ANKFY1: variants seen among roughly 807,000 people sequenced by gnomAD.
ANKFY1 encodes ankyrin repeat and FYVE domain-containing protein 1.
A neutral mutation model predicts 128.3 loss-of-function variants in ANKFY1; 47 were observed. The observed-to-expected ratio is 0.37, with a 90% CI of 0.29 to 0.47. The LOEUF (loss-of-function observed/expected upper bound fraction) is 0.47, where lower values mean the gene tolerates loss of function less well. ANKFY1 is among the 20% of genes least tolerant of loss of function. ANKFY1 has a pLI of 1.00. For missense variants in ANKFY1, 1,222 were observed against 1,510.6 expected, an observed-to-expected ratio of 0.81 and a Z score of 3.17; for synonymous variants, 553 against 601.6, an observed-to-expected ratio of 0.92 and a Z score of 1.18.
rs147726006 is a variant in ANKFY1, at chr17:4,225,823, G to A, written c.323-8705C>T. 2.7e-3 allele frequency among the ~76,000 whole-genome samples: 406 copies of A among 152,160 alleles called. 5 individuals carry two copies. Among genetic ancestry groups the A allele is most frequent in the African/African-American group, 9.1e-3 (379 of 41,514 alleles). On this transcript the variant is annotated intron_variant, in intron 3 of 24. Transcript: ENST00000341657. Reference sequence around the variant, plus strand: ...GTCACCCAAGGTGGACTGCAGTGGCGTGATCTCAGTTCACTGCAACCTCTG... The same window carrying A: ...GTCACCCAAGGTGGACTGCAGTGGCATGATCTCAGTTCACTGCAACCTCTG...
intron 13 of ANKFY1, 35 bp from the exon 14 acceptor site, chr17:4,183,586 C>T: frequency 6.2e-7 from 1 of 1,603,464 alleles, no homozygotes; most frequent in Non-Finnish European, 8.5e-7. Flanking sequence ...CCAGGCTCGG[C>T]TTTTCCCGCT....
chr17:4,219,240 A>G (rs1440445122), intron 3 of ANKFY1, among the ~76,000 whole-genome samples: 2 of 152,234 alleles, frequency 1.3e-5, no homozygotes. Context: ...TATTTCAACC[A>G]GAGTTAACTC....
chr17:4,213,698 C>A (rs991747394), intron 4 of ANKFY1, among the ~76,000 whole-genome samples: 2 of 151,448 alleles, frequency 1.3e-5, no homozygotes, highest in Non-Finnish European at 2.9e-5. Context: ...CTCTGCCTCC[C>A]GTGTAGCTGG....
intron 10 of ANKFY1, among the ~76,000 whole-genome samples, chr17:4,194,078 C>T (rs1207276592): frequency 1.4e-5 from 2 of 140,286 alleles, no homozygotes; most frequent in Non-Finnish European, 3.0e-5. Context: ...TGAGCTACCA[C>T]GCCCGGCCAT....
intron 22 of ANKFY1, among the ~76,000 whole-genome samples, chr17:4,171,431 C>A (rs1159644109): frequency 6.6e-6 from 1 of 152,228 alleles, no homozygotes; most frequent in South Asian, 2.1e-4. Flanking sequence ...GTCGCTCCCT[C>A]TGCTTCCCTA....
chr17:4,181,501 ATTACT>A lies in ANKFY1; in HGVS notation c.2122-134_2122-130del, dbSNP rs1282295697. 1 of 679,604 alleles carries A rather than the reference ATTACT, an allele frequency of 1.5e-6. No homozygotes were observed. The highest frequency in any genetic ancestry group is 2.4e-5 in the Admixed American group (1 of 41,206). The allele number at this position is 679,604 out of a possible 1,614,324, so 42.1% of individuals were successfully genotyped here. On this transcript the variant is annotated intron_variant, in intron 15 of 24. Coordinates refer to ENST00000341657, the MANE Select transcript of ANKFY1 (RefSeq NM_001330063.2). This position sits in a 1 kb window ranked among gnomAD's most constrained non-coding sequence, Gnocchi z 4.9. ...AGATACGGTTGATAATAAATTGATA[ATTACT>A]TTAATCTGTATCACTCATTATTTTA...
intron 3 of ANKFY1, among the ~76,000 whole-genome samples, chr17:4,219,738 A>G (rs1209310713): frequency 2.5e-4 from 38 of 152,334 alleles, no homozygotes; most frequent in Non-Finnish European, 4.4e-5. Context: ...AGAAAAAGAA[A>G]AAGTGAAATA....
chr17:4,249,152 C>T, intron 1 of ANKFY1: 1 of 984,608 alleles, frequency 1.0e-6, no homozygotes, highest in Non-Finnish European at 1.2e-6. Context: ...GAACACTCTT[C>T]CTTCTAGGTC....
chr17:4,210,576 C>T lies in ANKFY1; in HGVS notation c.459-629G>A, dbSNP rs372077410. Among the ~76,000 whole-genome samples the T allele has an allele frequency of 1.1e-4, 16 of 151,934 alleles. No individual in the cohort carries two copies. The South Asian group carries it at 2.7e-3, about 26-fold the overall frequency. On this transcript the variant is annotated intron_variant, in intron 4 of 24. Transcript: ENST00000341657. ...ATACAAAATTAGCCGGCTGTGGTGG[C>T]GCATGCCTGTAATCCAAGCTACTCG... is the stretch of plus-strand genomic sequence containing the variant.
rs140380081 is a variant in ANKFY1 at position 4,176,717 on chromosome 17, A to T, written c.2775+409T>A. Among the ~76,000 whole-genome samples, 12 of 152,370 alleles carry T rather than the reference A, an allele frequency of 7.9e-5. 1 individual carries two copies. The East Asian group carries it at 2.3e-3, about 29-fold the overall frequency. The stretch of plus-strand genomic sequence containing the variant: ...TACTTGCTTAGATAGCCTCGGGGGT[A>T]AAATTCTTTCTCGGCCTACATTTTC... On this transcript the variant is annotated intron_variant, in intron 19 of 24. Coordinates refer to ENST00000341657, the MANE Select transcript of ANKFY1 (RefSeq NM_001330063.2).
At chr17:4,261,211 G>C (rs981625400) in intron 1 of ANKFY1, among the ~76,000 whole-genome samples, 1 of 152,204 alleles carries the variant, frequency 6.6e-6, no homozygotes, top group Admixed American at 6.5e-5. Context: ...GTGGCCGGCC[G>C]GGTGTGGTGG....
intron 9 of ANKFY1, 110 bp from the exon 10 acceptor site, chr17:4,195,287 T>TTA: frequency 6.9e-7 from 1 of 1,440,432 alleles, no homozygotes; most frequent in South Asian, 1.3e-5. Context: ...CATTTTTTTT[T>TTA]AGCTCACTTT....
intron 12 of ANKFY1, 27 bp downstream of exon 12, chr17:4,184,791 G>A: frequency 1.9e-6 from 3 of 1,600,616 alleles, no homozygotes; most frequent in Non-Finnish European, 2.6e-6. Flanking sequence ...CAAGTCAAAA[G>A]GATGGACAGT....
chr17:4,191,019 T>C lies in ANKFY1; in HGVS notation c.1373-1540A>G, dbSNP rs1374351518. Among the ~76,000 whole-genome samples, 3 of 152,250 alleles carry C rather than the reference T, an allele frequency of 2.0e-5. No individual in the cohort carries two copies. The East Asian group carries it at 5.8e-4, about 29-fold the overall frequency. On this transcript the variant is annotated intron_variant, in intron 10 of 24. Transcript: ENST00000341657. ...CAGGCCTGGTGGCACATGCCTGTAATCTCAGCTACTCAGGAGGCTGAGGCA... is the reference window on the plus strand; with the variant it reads ...CAGGCCTGGTGGCACATGCCTGTAACCTCAGCTACTCAGGAGGCTGAGGCA...
At chr17:4,193,336 G>A (rs2059751299) in intron 10 of ANKFY1, among the ~76,000 whole-genome samples, 1 of 150,972 alleles carries the variant, frequency 6.6e-6, no homozygotes, top group African/African-American at 2.4e-5. Flanking sequence ...GCTCACTGCA[G>A]CCTCCAACTC....
rs2142996763 is a variant in ANKFY1, at chr17:4,163,873, T to C, written c.*3906A>G. ...TTGGTACTTCTGCATTAGAAGTAAC[T>C]ACAAATGTCTTATTAAAGTTTCCAC... On this transcript the variant is annotated 3_prime_UTR_variant, in exon 25 of 25. Coordinates refer to ENST00000341657, the MANE Select transcript of ANKFY1 (RefSeq NM_001330063.2). 6.5e-6 allele frequency: 1 copy of C among 152,828 alleles called. No individual in the cohort carries two copies. Among genetic ancestry groups the C allele is most frequent in the African/African-American group, 2.4e-5 (1 of 41,598 alleles). The allele number at this position is 152,828 out of a possible 1,614,324, so 9.5% of individuals were successfully genotyped here. A position where few individuals can be genotyped will look rare whatever the true frequency, so the allele number is the denominator to read the frequency against.
chr17:4,179,326 C>T (rs1459314146), intron 17 of ANKFY1: 1 of 553,994 alleles, frequency 1.8e-6, no homozygotes, highest in East Asian at 3.2e-5. Flanking sequence ...AGCCACCACT[C>T]CTTATCTGGC....
chr17:4,228,442 A>G (rs952843196), intron 3 of ANKFY1, among the ~76,000 whole-genome samples: 2 of 150,784 alleles, frequency 1.3e-5, no homozygotes, highest in Non-Finnish European at 1.5e-5. Flanking sequence ...CTTGAGACAG[A>G]GTCTCACTCT....
chr17:4,208,111 G>T (rs768160934), intron 5 of ANKFY1, 29 bp from the exon 6 acceptor site: 1 of 1,572,172 alleles, frequency 6.4e-7, no homozygotes, highest in East Asian at 2.3e-5. Context: ...GTGAAAAGCA[G>T]AACAGACACA....
Sources: allele counts gnomAD v4.1 joint callset (sites outside exome capture counted in the v4.1 genomes callset), GRCh38; gene constraint gnomAD v4.1.1; non-coding constraint Gnocchi (gnomAD v3.1); transcripts MANE v1.5; gene names NCBI Gene and HGNC (gene_info 2026-07-23, HGNC 2026-07-21).